The following ZAP70 variants were observed in gnomAD, a reference collection of about 807,000 sequenced individuals.
ZAP70 encodes the protein tyrosine-protein kinase ZAP-70.
In ZAP70, 27 loss-of-function variants were observed where a neutral mutation model predicts 65.8. The ratio of observed to expected loss-of-function variants is 0.41; its 90% CI spans 0.30 to 0.57. The LOEUF (loss-of-function observed/expected upper bound fraction) is 0.57. Among genes scored for constraint, ZAP70 ranks in the 20% least tolerant of loss-of-function variants. ZAP70 has a pLI of 0.28. For synonymous variants in ZAP70, 363 were observed against 360.8 expected, an observed-to-expected ratio of 1.01 and a Z score of -0.07; for missense variants, 696 against 870.5, an observed-to-expected ratio of 0.80 and a Z score of 2.52.
In ZAP70 at chr2:97,735,469, T is replaced by G; in HGVS notation, c.1289+13T>G. ...TGGTCGGCAAGAGGTGAGCACCGGG[T>G]GGGCCCGGCCATCGGGTGGGTGGGG... On this transcript the variant is annotated intron_variant, in intron 10 of 13. Coordinates refer to ENST00000264972, the MANE Select transcript of ZAP70 (RefSeq NM_001079.4). The G allele has an allele frequency of 6.3e-7, 1 of 1,589,872 alleles. No individual in the cohort carries two copies. The highest frequency in any genetic ancestry group is 1.7e-4 in the Middle Eastern group (1 of 5,968).
At chr2:97,743,853 G>A (rs895024803), downstream of ZAP70, among the ~76,000 whole-genome samples, 1 of 152,182 alleles carries the variant, frequency 6.6e-6, no homozygotes, top group Non-Finnish European at 1.5e-5. Flanking sequence ...CTGTATATGA[G>A]AGCCTGTGCT....
At chr2:97,719,857 T>C (rs113188333) in intron 2 of ZAP70, among the ~76,000 whole-genome samples, 5 of 152,290 alleles carry the variant, frequency 3.3e-5, no homozygotes, top group South Asian at 2.1e-4. Flanking sequence ...CCCTCTGTCG[T>C]CACTCCTTCT....
rs1318780093 is a variant in ZAP70 at position 97,733,145 on chromosome 2, G to A, written c.723G>A (p.Leu241=). The A allele has an allele frequency of 6.2e-7, 1 of 1,613,858 alleles. No individual in the cohort carries two copies. The highest frequency in any genetic ancestry group is 1.3e-5 in the African/African-American group (1 of 74,926). ...TGCAGCTGGTGGAGTATCTGAAGCT[G>A]AAGGCGGACGGGCTCATCTACTGCC... ...TLWQLVEYLK[L]KADGLIYCLK... The change falls in exon 6 of 14, where the codon CTG becomes CTA. Residue 241 remains leucine (L), a synonymous_variant. Transcript: ENST00000264972.
chr2:97,726,654 A>C (rs895760164), intron 4 of ZAP70, among the ~76,000 whole-genome samples: 2 of 152,236 alleles, frequency 1.3e-5, no homozygotes, highest in African/African-American at 4.8e-5. Flanking sequence ...CTCCCTCTCC[A>C]AGATTCTGTT....
the ZAP70 span, among the ~76,000 whole-genome samples, chr2:97,751,077 T>G: frequency 1.3e-5 from 2 of 152,234 alleles, no homozygotes; most frequent in East Asian, 3.8e-4. Context: ...AAGAATGGAT[T>G]ACTGGAGACG....
chr2:97,716,890 A>G (rs1573247706), intron 2 of ZAP70, among the ~76,000 whole-genome samples: 1 of 152,224 alleles, frequency 6.6e-6, no homozygotes, highest in East Asian at 1.9e-4. Context: ...AGTGCTGGAC[A>G]CCTTCACTGG....
chr2:97,729,998 A>G (rs13005315), intron 4 of ZAP70, among the ~76,000 whole-genome samples: 57,219 of 132,032 alleles, frequency 0.43, 11,619 homozygotes, highest in African/African-American at 0.5. Context: ...AAGCTGAGGC[A>G]GGCGGATCGT....
At chr2:97,723,912 C>CGGCACTGATGCCCT in intron 2 of ZAP70, 104 bp from the exon 3 acceptor site, 1 of 1,330,740 alleles carries the variant, frequency 7.5e-7, no homozygotes, top group Non-Finnish European at 1.0e-6. Flanking sequence ...GCTCAGTCTG[C>CGGCACTGATGCCCT]GGCACTGATG....
Position 97,736,234 on chromosome 2 carries a change from G to C in ZAP70, c.1289+778G>C, listed in dbSNP as rs1457858959. 2.0e-5 allele frequency among the ~76,000 whole-genome samples: 3 copies of C among 151,840 alleles called. No individual in the cohort carries two copies. The highest frequency in any genetic ancestry group is 4.4e-5 in the Non-Finnish European group (3 of 67,984). On this transcript the variant is annotated intron_variant, in intron 10 of 13. Coordinates refer to ENST00000264972, the MANE Select transcript of ZAP70 (RefSeq NM_001079.4). This position sits in a 1 kb window ranked among gnomAD's most constrained non-coding sequence, Gnocchi z 4.0. ...ATGTGACAGAGATCACTTGTGGCCTGTAAAGGCTAAAATCCTTACTATCCG... is the reference window on the plus strand; with the variant it reads ...ATGTGACAGAGATCACTTGTGGCCTCTAAAGGCTAAAATCCTTACTATCCG...
At position 97,733,558 on chromosome 2, in the gene ZAP70, C is replaced by T. The variant is rs553261328; in HGVS notation, c.852C>T (p.Ile284=). 7.4e-6 allele frequency: 12 copies of T among 1,613,622 alleles called. No individual in the cohort carries two copies. The highest frequency in any genetic ancestry group is 5.0e-5 in the Admixed American group (3 of 60,020). ...PSTLTHPQRR[I]DTLNSDGYTP... ...GTGGCCTTTAGCCTCAGAGACGAATCGACACCCTCAACTCAGATGGATACA... is the reference window on the plus strand; with the variant it reads ...GTGGCCTTTAGCCTCAGAGACGAATTGACACCCTCAACTCAGATGGATACA... The change falls in exon 8 of 14, where the codon ATC becomes ATT. Residue 284 remains isoleucine (I), a synonymous_variant. Transcript: ENST00000264972.
chr2:97,738,417 C>G, intron 13 of ZAP70: 2 of 441,254 alleles, frequency 4.5e-6, no homozygotes, highest in Non-Finnish European at 8.5e-6. Context: ...GCTACTCAAC[C>G]TATGACACTG....
chr2:97,720,651 C>T lies in ZAP70; in HGVS notation c.-21-3365C>T, dbSNP rs569130801. 3.9e-4 allele frequency among the ~76,000 whole-genome samples: 60 copies of T among 152,284 alleles called. 1 individual carries two copies. Among genetic ancestry groups the T allele is most frequent in the African/African-American group, 1.3e-3 (54 of 41,560 alleles). On this transcript the variant is annotated intron_variant, in intron 2 of 13. Transcript: ENST00000264972. ...ACAAGCGTGAGCCACTTCGCCCAGCCGCTTCATGACTTTTTAAAAACACTC... is the reference window on the plus strand; with the variant it reads ...ACAAGCGTGAGCCACTTCGCCCAGCTGCTTCATGACTTTTTAAAAACACTC...
chr2:97,745,885 C>T, the ZAP70 span, among the ~76,000 whole-genome samples: 1 of 152,170 alleles, frequency 6.6e-6, no homozygotes, highest in Admixed American at 6.5e-5. Context: ...TCACGATAGC[C>T]AAAAGGTTGA....
In ZAP70 at chr2:97,724,543, C is replaced by T. The variant is rs1476895116; in HGVS notation, c.402+105C>T. 31 of 1,531,118 alleles carry T rather than the reference C, an allele frequency of 2.0e-5. No homozygotes were observed. In the Middle Eastern group the frequency reaches 1.0e-3, roughly 50 times the overall value. The allele number at this position is 1,531,118 out of a possible 1,614,324, so 94.8% of individuals were successfully genotyped here. A position where few individuals can be genotyped will look rare whatever the true frequency, so the allele number is the denominator to read the frequency against. ...GGAGGAAAAGGTCGTCTTCCCCATT[C>T]AGTCCCCTTTGGAAGCTGGAGAGGT... On this transcript the variant is annotated intron_variant, in intron 3 of 13. Coordinates refer to ENST00000264972, the MANE Select transcript of ZAP70 (RefSeq NM_001079.4).
the ZAP70 span, among the ~76,000 whole-genome samples, chr2:97,746,892 CTAAG>C: frequency 6.6e-6 from 1 of 152,054 alleles, no homozygotes; most frequent in Admixed American, 6.6e-5. Context: ...AAAAGACAGT[CTAAG>C]TAAAAAATGG....
Position 97,715,953 on chromosome 2 carries a change from A to G in ZAP70, c.-22+1959A>G, listed in dbSNP as rs1161917420. On this transcript the variant is annotated intron_variant, in intron 2 of 13. Transcript: ENST00000264972. The surrounding 1 kb of genome is among the most constrained non-coding windows in gnomAD (Gnocchi z 4.1). ...CAGAGCCGTGGGCCCTGCCTCGGGG[A>G]GCTCAGCCTGGTGAGGGACTGAGGA... 6.6e-6 allele frequency among the ~76,000 whole-genome samples: 1 copy of G among 151,994 alleles called. No homozygotes were observed. The highest frequency in any genetic ancestry group is 1.5e-5 in the Non-Finnish European group (1 of 68,010).
intron 4 of ZAP70, among the ~76,000 whole-genome samples, chr2:97,728,958 G>C (rs1317097653): frequency 6.6e-6 from 1 of 152,180 alleles, no homozygotes; most frequent in Admixed American, 6.5e-5. Context: ...TTGCCATGTT[G>C]GCCAGGCTGG....
rs1286274015 is a variant in ZAP70, at chr2:97,737,935, G to C, written c.1623+38G>C. 1.2e-6 allele frequency: 2 copies of C among 1,613,890 alleles called. No homozygotes were observed. The highest frequency in any genetic ancestry group is 1.7e-6 in the Non-Finnish European group (2 of 1,179,894). On this transcript the variant is annotated intron_variant, in intron 12 of 13. Coordinates refer to ENST00000264972, the MANE Select transcript of ZAP70 (RefSeq NM_001079.4). The surrounding 1 kb of genome is among the most constrained non-coding windows in gnomAD (Gnocchi z 5.0). ...AGAGGCAGGTGGGCGGTGTGGTGGG[G>C]AGGGGGATGAGGAGGAGGACACTGG...
chr2:97,714,857 G>T (rs1676844200), intron 2 of ZAP70, among the ~76,000 whole-genome samples: 1 of 152,144 alleles, frequency 6.6e-6, no homozygotes, highest in South Asian at 2.1e-4. Flanking sequence ...CAGCCCCACT[G>T]CCCTGGCAGT....
Sources: gnomAD v4.1 joint callset for allele counts (sites outside exome capture counted in the v4.1 genomes callset) on GRCh38, gnomAD v4.1.1 for gene constraint, Gnocchi (gnomAD v3.1) non-coding constraint, MANE v1.5 for transcripts, NCBI Gene and HGNC (gene_info 2026-07-23, HGNC 2026-07-21) for gene names.